Variants in RNF213 observed in about 807,000 individuals in gnomAD.
RNF213 encodes E3 ubiquitin-protein ligase RNF213.
A neutral mutation model predicts 514.4 loss-of-function variants in RNF213; 341 were observed. The observed-to-expected ratio is 0.66, with a 90% CI of 0.61 to 0.73. The LOEUF (loss-of-function observed/expected upper bound fraction) is 0.73, where lower values mean the gene tolerates loss of function less well. RNF213 is among the 30% of genes least tolerant of loss of function. RNF213 has a pLI of 0.00. For synonymous variants in RNF213, 2,655 were observed against 2,658.2 expected, an observed-to-expected ratio of 1.00 and a Z score of 0.04; for missense variants, 5,767 against 6,615.6, an observed-to-expected ratio of 0.87 and a Z score of 4.45.
At chr17:80,281,629 C>CA (rs2044302809) in intron 3 of RNF213, among the ~76,000 whole-genome samples, 1 of 99,042 alleles carries the variant, frequency 1.0e-5, no homozygotes, top group African/African-American at 3.3e-5. Flanking sequence ...CACACACACC[C>CA]CCAACACACA....
chr17:80,365,937 GT>G (rs11383116), intron 42 of RNF213, among the ~76,000 whole-genome samples: 1 of 151,926 alleles, frequency 6.6e-6, no homozygotes. Context: ...CGTGGGGAGG[GT>G]TTTTTTTGGC....
chr17:80,393,837 G>T lies in RNF213; in HGVS notation c.*339G>T. The T allele has an allele frequency of 3.5e-6, 1 of 289,374 alleles. No homozygotes were observed. The highest frequency in any genetic ancestry group is 6.7e-6 in the Non-Finnish European group (1 of 148,894). 17.9% of individuals were successfully genotyped at this position (289,374 alleles called of 1,614,324 possible). A position where few individuals can be genotyped will look rare whatever the true frequency, so the allele number is the denominator to read the frequency against. On this transcript the variant is annotated 3_prime_UTR_variant, in exon 68 of 68. Transcript: ENST00000582970. ...TCAGCCACACACGCAGTAATGACCT[G>T]TGCCCGTTCGCCTCTGGCACTGCCC...
Position 80,332,339 on chromosome 17 carries a change from G to T in RNF213, c.3851G>T (p.Arg1284Ile). The change falls in exon 21 of 68, where the codon AGA (arginine) becomes ATA (isoleucine). Residue 1284 changes from arginine (R) to isoleucine (I), a missense_variant. Coordinates refer to ENST00000582970, the MANE Select transcript of RNF213 (RefSeq NM_001256071.3). ...VYDYLYQPSYRKFIKLHQDLK... is the reference protein window; with the variant it reads ...VYDYLYQPSYIKFIKLHQDLK... ...GACTATTTGTATCAGCCTTCTTACAGAAAGTTCATTAAGTTGCACCAGGAT... is the reference window on the plus strand; with the variant it reads ...GACTATTTGTATCAGCCTTCTTACATAAAGTTCATTAAGTTGCACCAGGAT... The T allele has an allele frequency of 2.0e-6, 3 of 1,537,210 alleles. No individual in the cohort carries two copies. The highest frequency in any genetic ancestry group is 2.6e-6 in the Non-Finnish European group (3 of 1,146,916).
Position 80,319,332 on chromosome 17 carries a change from G to C in RNF213, c.3024+20G>C. ...TGCCAGGTGAACAATCTCTCCTCCT[G>C]GGAAACGGATTCGGGCTCACAGCTG... On this transcript the variant is annotated intron_variant, in intron 17 of 67. Transcript: ENST00000582970. The C allele has an allele frequency of 6.2e-7, 1 of 1,614,182 alleles. No individual in the cohort carries two copies. The highest frequency in any genetic ancestry group is 8.5e-7 in the Non-Finnish European group (1 of 1,180,028).
chr17:80,306,286 C>T lies in RNF213; in HGVS notation c.2245C>T (p.His749Tyr), dbSNP rs2143572348. Residue 749 changes from histidine (H) to tyrosine (Y), a missense_variant, in exon 12 of 68, where the codon CAT (histidine) becomes TAT (tyrosine). Coordinates refer to ENST00000582970, the MANE Select transcript of RNF213 (RefSeq NM_001256071.3). Reference sequence around the variant, plus strand: ...ACTTCAGTTTATGAGAGAGAAGCAGCATTTGCTGAGCATAGACGAGCCTCT... The same window carrying T: ...ACTTCAGTTTATGAGAGAGAAGCAGTATTTGCTGAGCATAGACGAGCCTCT... ...SLLQFMREKQ[H>Y]LLSIDEPLFR... 6.2e-7 allele frequency: 1 copy of T among 1,614,124 alleles called. No homozygotes were observed. The highest frequency in any genetic ancestry group is 8.5e-7 in the Non-Finnish European group (1 of 1,180,028).
At chr17:80,266,441 C>T (rs528109858) in intron 2 of RNF213, among the ~76,000 whole-genome samples, 15 of 151,524 alleles carry the variant, frequency 9.9e-5, no homozygotes, top group African/African-American at 3.6e-4. Context: ...AAAAAAAAGC[C>T]TTACAGTGGT....
Position 80,347,454 on chromosome 17 carries a change from G to A in RNF213, c.9119G>A (p.Arg3040His), listed in dbSNP as rs774507957. ...PGGEQEDAES[R>H]YLLVLTKNYV... The stretch of plus-strand genomic sequence containing the variant: ...GGAGAGCAGGAAGATGCTGAGTCCC[G>A]CTACTTACTCGTGCTGACCAAAAAC... Residue 3040 changes from arginine (R) to histidine (H), a missense_variant, in exon 29 of 68, where the codon CGC (arginine) becomes CAC (histidine). This residue lies in a region of RNF213 where 919 missense variants were observed against 1,121.0 expected (regional missense o/e 0.82). Coordinates refer to ENST00000582970, the MANE Select transcript of RNF213 (RefSeq NM_001256071.3). This position sits in a 1 kb window ranked among gnomAD's most constrained non-coding sequence, Gnocchi z 7.2. The A allele has an allele frequency of 5.6e-6, 9 of 1,613,888 alleles. No individual in the cohort carries two copies. In the African/African-American group the frequency reaches 8.0e-5, roughly 14 times the overall value.
At position 80,267,409 on chromosome 17, in the gene RNF213, C is replaced by G. The variant is rs569687493; in HGVS notation, c.97+3631C>G. Among the ~76,000 whole-genome samples the G allele has an allele frequency of 1.1e-3, 169 of 152,196 alleles. 1 individual carries two copies. Among genetic ancestry groups the G allele is most frequent in the African/African-American group, 3.9e-3 (163 of 41,520 alleles). Reference sequence around the variant, plus strand: ...AGTGAGCCGAGATCACGCCACTGCACTCCAGCCTGGCGACAGAGCGAGACT... The same window carrying G: ...AGTGAGCCGAGATCACGCCACTGCAGTCCAGCCTGGCGACAGAGCGAGACT... On this transcript the variant is annotated intron_variant, in intron 2 of 67. Coordinates refer to ENST00000582970, the MANE Select transcript of RNF213 (RefSeq NM_001256071.3).
intron 7 of RNF213, among the ~76,000 whole-genome samples, chr17:80,291,128 C>T (rs1181191474): frequency 6.6e-6 from 1 of 152,032 alleles, no homozygotes; most frequent in African/African-American, 2.4e-5. Flanking sequence ...TAATTTTTAT[C>T]CAGTGAGTTG....
At chr17:80,373,191 CA>C in intron 49 of RNF213, 26 bp downstream of exon 49, 1 of 1,597,200 alleles carries the variant, frequency 6.3e-7, no homozygotes, top group Non-Finnish European at 8.5e-7. Context: ...GGGCAGCACA[CA>C]AACATGCACC....
intron 3 of RNF213, among the ~76,000 whole-genome samples, chr17:80,282,493 G>A (rs1387710235): frequency 6.6e-6 from 1 of 152,064 alleles, no homozygotes; most frequent in African/African-American, 2.4e-5. Context: ...CCGCCTCCCA[G>A]GTTCACGCCA....
rs1291066054 is a variant in RNF213 at position 80,395,740 on chromosome 17, GAGT to G, written c.*2243_*2245del. The stretch of plus-strand genomic sequence containing the variant: ...CCCTTCCAGGAGCCCACTGACGTTG[GAGT>G]GCTAAAAATGCCCCTTCAGGGGGAA... On this transcript the variant is annotated 3_prime_UTR_variant, in exon 68 of 68. Transcript: ENST00000582970. The G allele has an allele frequency of 1.3e-5, 2 of 152,220 alleles. No individual in the cohort carries two copies. The highest frequency in any genetic ancestry group is 4.8e-5 in the African/African-American group (2 of 41,456). The allele number at this position is 152,220 out of a possible 1,614,324, so 9.4% of individuals were successfully genotyped here.
In RNF213 at chr17:80,332,472, C is replaced by T; in HGVS notation, c.3984C>T (p.Asp1328=). Residue 1328 remains aspartate (D), a synonymous_variant, in exon 21 of 68, where the codon GAC becomes GAT. Coordinates refer to ENST00000582970, the MANE Select transcript of RNF213 (RefSeq NM_001256071.3). Reference sequence around the variant, plus strand: ...AACTTAAGATCATGTGCACCGTGGACCACCAGGACCAAAGAGATTGGATCA... The same window carrying T: ...AACTTAAGATCATGTGCACCGTGGATCACCAGGACCAAAGAGATTGGATCA... ...DSELKIMCTV[D]HQDQRDWIKD... 1.3e-6 allele frequency: 2 copies of T among 1,537,110 alleles called. No homozygotes were observed. Among genetic ancestry groups the T allele is most frequent in the Non-Finnish European group, 1.7e-6 (2 of 1,146,860 alleles).
In RNF213 at chr17:80,353,881, C is replaced by T. The variant is rs892964334; in HGVS notation, c.10579-138C>T. On this transcript the variant is annotated intron_variant, in intron 34 of 67. Coordinates refer to ENST00000582970, the MANE Select transcript of RNF213 (RefSeq NM_001256071.3). The surrounding 1 kb of genome is among the most constrained non-coding windows in gnomAD (Gnocchi z 5.0). The stretch of plus-strand genomic sequence containing the variant: ...AGTTTGGGGGGTGCAGGGCGGAGGT[C>T]GGCGTCTCTTCTTTGTCCGTGAGGA... 21 of 1,259,484 alleles carry T rather than the reference C, an allele frequency of 1.7e-5. No homozygotes were observed. The highest frequency in any genetic ancestry group is 1.8e-4 in the Middle Eastern group (1 of 5,466). The allele number at this position is 1,259,484 out of a possible 1,614,324, so 78.0% of individuals were successfully genotyped here.
chr17:80,294,630 AC>A, intron 8 of RNF213, 89 bp from the exon 9 acceptor site: 1 of 1,467,608 alleles, frequency 6.8e-7, no homozygotes, highest in East Asian at 2.3e-5. Flanking sequence ...CCATATCTGT[AC>A]CAGTCGTGAT....
In RNF213 at chr17:80,317,154, G is replaced by A; in HGVS notation, c.2812-34G>A. 5 of 1,602,374 alleles carry A rather than the reference G, an allele frequency of 3.1e-6. No homozygotes were observed. Among genetic ancestry groups the A allele is most frequent in the Non-Finnish European group, 4.3e-6 (5 of 1,174,342 alleles). Reference sequence around the variant, plus strand: ...GGAGTGTGCCGTGGCATTTAGTCGTGAGAGTGGGTGTGACCTGTGTGCGGG... The same window carrying A: ...GGAGTGTGCCGTGGCATTTAGTCGTAAGAGTGGGTGTGACCTGTGTGCGGG... On this transcript the variant is annotated intron_variant, in intron 15 of 67. Transcript: ENST00000582970. This position sits in a 1 kb window ranked among gnomAD's most constrained non-coding sequence, Gnocchi z 4.1.
Position 80,363,269 on chromosome 17 carries a change from C to A in RNF213, c.11523C>A (p.Ser3841Arg). Reference protein sequence around the residue: ...ILTIYPQVLHSLMEARWNHEL... With the variant: ...ILTIYPQVLHRLMEARWNHEL... ...CCATCTACCCTCAGGTTCTCCACAG[C>A]CTGATGGAAGCCCGTTGGAACCATG... Residue 3841 changes from serine to arginine, a missense_variant, in exon 40 of 68, where the codon AGC becomes AGA. By Grantham distance (110) the Ser-to-Arg change is moderately radical. Around this residue, in one of 13 missense-constraint regions of RNF213, gnomAD observed 355 missense variants for 358.0 expected, o/e 0.99. Transcript: ENST00000582970. The A allele has an allele frequency of 6.2e-7, 1 of 1,614,066 alleles. No homozygotes were observed. Among genetic ancestry groups the A allele is most frequent in the Non-Finnish European group, 8.5e-7 (1 of 1,180,040 alleles).
rs1599056468 is a variant in RNF213 at position 80,339,573 on chromosome 17, T to C, written c.5206T>C (p.Cys1736Arg). 2 of 1,537,128 alleles carry C rather than the reference T, an allele frequency of 1.3e-6. No individual in the cohort carries two copies. ...LTMLSFIKSN[C>R]TLRDVLRASV... is the part of the protein sequence containing the mutation. ...GATGCTATCCTTCATCAAAAGCAAC[T>C]GCACCCTGAGGGATGTCTTAAGGGC... Residue 1736 changes from cysteine to arginine, a missense_variant, in exon 26 of 68, where the codon TGC becomes CGC. Cys to Arg is a radical substitution (Grantham distance 180). This residue lies in a region of RNF213 where 1,377 missense variants were observed against 1,635.2 expected (regional missense o/e 0.84). Transcript: ENST00000582970.
In RNF213 at chr17:80,395,729, C is replaced by T. The variant is rs1243884858; in HGVS notation, c.*2231C>T. ...ATAAACAGTAACCCTTCCAGGAGCC[C>T]ACTGACGTTGGAGTGCTAAAAATGC... On this transcript the variant is annotated 3_prime_UTR_variant, in exon 68 of 68. Transcript: ENST00000582970. 6.6e-6 allele frequency: 1 copy of T among 152,238 alleles called. No individual in the cohort carries two copies. The highest frequency in any genetic ancestry group is 2.4e-5 in the African/African-American group (1 of 41,456). The allele number at this position is 152,238 out of a possible 1,614,324, so 9.4% of individuals were successfully genotyped here.
Sources: gnomAD v4.1 joint callset for allele counts (sites outside exome capture counted in the v4.1 genomes callset) on GRCh38, gnomAD v4.1.1 for gene constraint, gnomAD v4.1.1 regional missense constraint, Gnocchi (gnomAD v3.1) non-coding constraint, MANE v1.5 for transcripts, NCBI Gene and HGNC (gene_info 2026-07-23, HGNC 2026-07-21) for gene names.